Variants in PTPRD observed in about 807,000 individuals in gnomAD.
PTPRD encodes the protein protein tyrosine phosphatase receptor type D.
Under a neutral mutation model 214.5 loss-of-function variants are expected in PTPRD, and 34 were observed. The ratio of observed to expected loss-of-function variants is 0.16; its 90% CI spans 0.12 to 0.21. The LOEUF (loss-of-function observed/expected upper bound fraction) is 0.21, where lower values mean the gene tolerates loss of function less well. Ranked by LOEUF, PTPRD falls within the 10% of genes least tolerant of loss-of-function variation. PTPRD has a pLI of 1.00. For missense variants in PTPRD, 2,545 were observed against 2,398.7 expected (o/e 1.06, Z -1.27); for synonymous variants, 1,128 against 845.7 (o/e 1.33, Z -5.79).
chr9:9,893,776 C>T (rs1296352475), intron 5 of PTPRD, among the ~76,000 whole-genome samples: 2 of 152,072 alleles, frequency 1.3e-5, no homozygotes, highest in Non-Finnish European at 2.9e-5. Context: ...AGCTTGGTTA[C>T]CTCCTCTAGC....
At chr9:9,642,328 G>T (rs1449353807) in intron 7 of PTPRD, among the ~76,000 whole-genome samples, 1 of 149,170 alleles carries the variant, frequency 6.7e-6, no homozygotes, top group Non-Finnish European at 1.5e-5. Flanking sequence ...TGACGAGTTA[G>T]TGGGTGCAGC....
At position 8,848,313 on chromosome 9, in the gene PTPRD, CTTTTTTTTTTT is replaced by C. The variant is rs371491854; in HGVS notation, c.-103-114378_-103-114368del. 3.0e-5 allele frequency among the ~76,000 whole-genome samples: 4 copies of C among 132,678 alleles called. No individual in the cohort carries two copies. The East Asian group carries it at 6.6e-4, about 22-fold the overall frequency. 87.0% of individuals were successfully genotyped at this position (132,678 alleles called of 152,430 possible). A position where few individuals can be genotyped will look rare whatever the true frequency, so the allele number is the denominator to read the frequency against. On this transcript the variant is annotated intron_variant, in intron 11 of 45. Coordinates refer to ENST00000381196, the MANE Select transcript of PTPRD (RefSeq NM_002839.4). ...TACTTATTAATGCTTAAGATTTTTC[CTTTTTTTTTTT>C]TTTTTTTTTTTTTTAGTTTTTTGCT...
intron 11 of PTPRD, among the ~76,000 whole-genome samples, chr9:8,908,948 T>C (rs116437154): frequency 0.01 from 1,536 of 149,940 alleles, 15 homozygotes; most frequent in African/African-American, 0.03. Context: ...AATATGAAAA[T>C]AAATTATATA....
chr9:9,992,775 G>A (rs1051539924), intron 4 of PTPRD, among the ~76,000 whole-genome samples: 5 of 151,432 alleles, frequency 3.3e-5, no homozygotes, highest in Non-Finnish European at 7.4e-5. Context: ...ACAGGGTGGG[G>A]AACATCACAC....
At chr9:9,948,426 G>GA (rs1171815595) in intron 4 of PTPRD, among the ~76,000 whole-genome samples, 1 of 151,978 alleles carries the variant, frequency 6.6e-6, no homozygotes, top group South Asian at 2.1e-4. Flanking sequence ...CAACATGCCT[G>GA]AAAAAGAATA....
At chr9:9,030,311 A>G (rs1361986389) in intron 10 of PTPRD, among the ~76,000 whole-genome samples, 5 of 37,810 alleles carry the variant, frequency 1.3e-4, no homozygotes, top group South Asian at 1.5e-3. Flanking sequence ...TTTTTTTTAC[A>G]GATATCTTTA....
At chr9:8,845,177 C>CAAA (rs552115354) in intron 11 of PTPRD, among the ~76,000 whole-genome samples, 2 of 149,366 alleles carry the variant, frequency 1.3e-5, no homozygotes, top group Admixed American at 6.6e-5. Context: ...GAAAAAAAAA[C>CAAA]AAAAACAAAA....
At position 9,485,522 on chromosome 9, in the gene PTPRD, T is replaced by C. The variant is rs1397483917; in HGVS notation, c.-236-88040A>G. The stretch of plus-strand genomic sequence containing the variant: ...CAGTTTTTAGTGTATGTTTATATAA[T>C]ATTCACTGCATTTTTTCCAATCCTT... On this transcript the variant is annotated intron_variant, in intron 8 of 45. Transcript: ENST00000381196. Among the ~76,000 whole-genome samples the C allele has an allele frequency of 6.6e-5, 10 of 152,198 alleles. No homozygotes were observed. The East Asian group carries it at 7.7e-4, about 12-fold the overall frequency.
chr9:9,469,984 T>C (rs1157456111), intron 8 of PTPRD, among the ~76,000 whole-genome samples: 1 of 152,104 alleles, frequency 6.6e-6, no homozygotes, highest in East Asian at 1.9e-4. Flanking sequence ...TTGTTACTTC[T>C]AGTAAAAGAA....
At chr9:9,346,694 T>A (rs2048937864) in intron 9 of PTPRD, among the ~76,000 whole-genome samples, 1 of 150,018 alleles carries the variant, frequency 6.7e-6, no homozygotes. Context: ...AGTGCCTTAA[T>A]TTTTTTTTTC....
At chr9:8,638,999 C>A (rs556435583) in intron 12 of PTPRD, among the ~76,000 whole-genome samples, 1 of 152,090 alleles carries the variant, frequency 6.6e-6, no homozygotes, top group South Asian at 2.1e-4. Flanking sequence ...CGTACCACCA[C>A]GCTCAGCTAA....
intron 9 of PTPRD, among the ~76,000 whole-genome samples, chr9:9,346,315 G>A (rs541770133): frequency 2.1e-4 from 32 of 151,826 alleles, no homozygotes; most frequent in Non-Finnish European, 4.1e-4. Context: ...AATATGGGAG[G>A]GTCAATATTC....
intron 9 of PTPRD, among the ~76,000 whole-genome samples, chr9:9,347,913 C>T (rs2049491034): frequency 6.6e-6 from 1 of 152,152 alleles, no homozygotes; most frequent in South Asian, 2.1e-4. Flanking sequence ...TATGTCATTG[C>T]TTATGTCCTT....
intron 19 of PTPRD, among the ~76,000 whole-genome samples, chr9:8,522,065 T>C (rs1370978261): frequency 6.6e-6 from 1 of 152,176 alleles, no homozygotes; most frequent in Non-Finnish European, 1.5e-5. Context: ...ACACTGAAAG[T>C]GCACTTTATG....
intron 10 of PTPRD, among the ~76,000 whole-genome samples, chr9:9,150,231 A>C (rs956858877): frequency 6.6e-6 from 1 of 151,972 alleles, no homozygotes; most frequent in Admixed American, 6.6e-5. Flanking sequence ...TGTTCCAGGG[A>C]GTATGTATGA....
At chr9:8,861,229 A>C (rs1434096393) in intron 11 of PTPRD, 1 of 152,178 alleles carries the variant, frequency 6.6e-6, no homozygotes, top group Non-Finnish European at 1.5e-5. Context: ...AATAATCACG[A>C]TGACAATAAT....
rs2098683304 is a variant in PTPRD, at chr9:8,903,144, TTC to T, written c.-104+115551_-104+115552del. Among the ~76,000 whole-genome samples the T allele has an allele frequency of 2.0e-5, 3 of 146,638 alleles. No individual in the cohort carries two copies. The Admixed American group carries it at 2.1e-4, about 10-fold the overall frequency. ...ATAAGTGGCTTAGGGATCTATCTTA[TTC>T]TTTTTTTTTTTAATTCAAATTTTAT... On this transcript the variant is annotated intron_variant, in intron 11 of 45. Transcript: ENST00000381196.
intron 9 of PTPRD, among the ~76,000 whole-genome samples, chr9:9,249,677 A>G (rs180952983): frequency 2.0e-4 from 31 of 152,138 alleles, no homozygotes; most frequent in African/African-American, 5.8e-4. Context: ...TAAAGTTTCA[A>G]CTATGCATTA....
intron 2 of PTPRD, among the ~76,000 whole-genome samples, chr9:10,511,878 G>GTGTA (rs1555453789): frequency 0.082 from 11,028 of 133,694 alleles, 659 homozygotes; most frequent in East Asian, 0.17. Context: ...GTGTGTGTGT[G>GTGTA]TATATACACA....
Sources: allele counts gnomAD v4.1 joint callset (sites outside exome capture counted in the v4.1 genomes callset), GRCh38; gene constraint gnomAD v4.1.1; transcripts MANE v1.5; gene names NCBI Gene and HGNC (gene_info 2026-07-23, HGNC 2026-07-21).